The following RBKS variants were observed in gnomAD, a reference collection of about 807,000 sequenced individuals.
RBKS encodes ribokinase.
RBKS carries 33 observed loss-of-function variants against 33.9 expected under a neutral mutation model. That is an observed-to-expected ratio of 0.97 (90% CI 0.74 to 1.30). The LOEUF is 1.30. Ranked by LOEUF, RBKS falls within the 50% of genes most tolerant of loss-of-function variation. RBKS has a pLI of 0.00. For missense variants in RBKS, 361 were observed against 392.6 expected, an observed-to-expected ratio of 0.92 and a Z score of 0.68; for synonymous variants, 125 against 143.0, an observed-to-expected ratio of 0.87 and a Z score of 0.90.
At chr2:27,794,522 A>G (rs1279075950) in intron 7 of RBKS, among the ~76,000 whole-genome samples, 1 of 151,780 alleles carries the variant, frequency 6.6e-6, no homozygotes, top group Non-Finnish European at 1.5e-5. Flanking sequence ...ACACTTGGGA[A>G]TACCCACCTC....
chr2:27,840,555 T>C (rs549622876), intron 5 of RBKS, among the ~76,000 whole-genome samples: 8 of 152,134 alleles, frequency 5.3e-5, no homozygotes, highest in Admixed American at 4.6e-4. Flanking sequence ...GTAAGTTCTA[T>C]TGGGGTTACA....
chr2:27,781,719 C>T lies in RBKS; in HGVS notation c.865G>A (p.Asp289Asn). 2 of 1,614,096 alleles carry T rather than the reference C, an allele frequency of 1.2e-6. No homozygotes were observed. The highest frequency in any genetic ancestry group is 1.7e-6 in the Non-Finnish European group (2 of 1,180,002). ...ATGAAATTGGATCTGTTGAGCATGT[C>T]TTCCAAGGACAGATTTGGATAGTAA... ...LAYYPNLSLE[D>N]MLNRSNFIAA... Residue 289 changes from aspartate to asparagine, a missense_variant, in exon 8 of 8, where the codon GAC becomes AAC. By Grantham distance (23) the Asp-to-Asn change is conservative (BLOSUM62 1). Transcript: ENST00000302188.
At chr2:27,857,017 C>T (rs1226850822) in intron 2 of RBKS, among the ~76,000 whole-genome samples, 1 of 152,138 alleles carries the variant, frequency 6.6e-6, no homozygotes, top group Admixed American at 6.5e-5. Context: ...TGATGCTTCA[C>T]GTGATGTTTT....
intron 6 of RBKS, among the ~76,000 whole-genome samples, chr2:27,829,730 A>T (rs913406767): frequency 6.6e-6 from 1 of 152,164 alleles, no homozygotes; most frequent in Non-Finnish European, 1.5e-5. Context: ...ACCAGGTATT[A>T]TATTGGCAAT....
intron 7 of RBKS, among the ~76,000 whole-genome samples, chr2:27,801,531 C>T (rs72810512): frequency 0.053 from 7,894 of 149,328 alleles, 271 homozygotes; most frequent in Non-Finnish European, 0.077. Context: ...TATGATGGTT[C>T]GACTTATAAT....
Position 27,837,822 on chromosome 2 carries a change from C to T in RBKS, c.515-5045G>A, listed in dbSNP as rs369689662. Among the ~76,000 whole-genome samples, 21 of 152,252 alleles carry T rather than the reference C, an allele frequency of 1.4e-4. No individual in the cohort carries two copies. The East Asian group carries it at 3.7e-3, about 27-fold the overall frequency. On this transcript the variant is annotated intron_variant, in intron 5 of 7. Transcript: ENST00000302188. The surrounding 1 kb of genome is among the most constrained non-coding windows in gnomAD (Gnocchi z 4.0). ...TGGGAACAACAGACACTACAGAGTA[C>T]TGGAGCAGGGAGGGGCACAGGTTGA...
At chr2:27,847,388 T>G (rs1385409221) in intron 3 of RBKS, among the ~76,000 whole-genome samples, 2 of 152,236 alleles carry the variant, frequency 1.3e-5, no homozygotes, top group African/African-American at 2.4e-5. Flanking sequence ...TGTATACATA[T>G]GCATTTTTCT....
intron 1 of RBKS, among the ~76,000 whole-genome samples, chr2:27,886,851 T>C (rs892901127): frequency 5.3e-5 from 8 of 152,324 alleles, no homozygotes; most frequent in African/African-American, 9.6e-5. Context: ...GAGTAAGTCA[T>C]TGAAGCTCTC....
intron 1 of RBKS, among the ~76,000 whole-genome samples, chr2:27,871,740 C>T (rs180681150): frequency 7.2e-5 from 11 of 152,322 alleles, no homozygotes; most frequent in Admixed American, 3.3e-4. Flanking sequence ...TCACTTGCCA[C>T]TATAAAGTTA....
intron 1 of RBKS, among the ~76,000 whole-genome samples, chr2:27,885,898 T>TA (rs1664519448): frequency 1.3e-5 from 2 of 152,176 alleles, no homozygotes; most frequent in Non-Finnish European, 2.9e-5. Flanking sequence ...ATACAGGTCA[T>TA]AAAAAATAAG....
At chr2:27,807,553 A>T (rs979935673) in intron 7 of RBKS, among the ~76,000 whole-genome samples, 46 of 151,958 alleles carry the variant, frequency 3.0e-4, no homozygotes, top group African/African-American at 9.7e-4. Context: ...GCTATAAAAA[A>T]TTTTTTTGTA....
intron 6 of RBKS, among the ~76,000 whole-genome samples, chr2:27,828,089 T>G (rs1399836646): frequency 6.6e-6 from 1 of 152,240 alleles, no homozygotes; most frequent in African/African-American, 2.4e-5. Flanking sequence ...TGAGGCATCA[T>G]GTTGTCTGCA....
At chr2:27,811,228 C>G (rs1264986304) in intron 7 of RBKS, among the ~76,000 whole-genome samples, 1 of 152,220 alleles carries the variant, frequency 6.6e-6, no homozygotes. Flanking sequence ...GCCCCCTCCA[C>G]TGCATCACCA....
intron 7 of RBKS, among the ~76,000 whole-genome samples, chr2:27,815,808 C>T (rs555700268): frequency 1.3e-5 from 2 of 152,296 alleles, no homozygotes; most frequent in East Asian, 3.9e-4. Context: ...TCTCACTGGG[C>T]AGAGGGACTA....
intron 7 of RBKS, among the ~76,000 whole-genome samples, chr2:27,827,183 G>A (rs1203910754): frequency 1.3e-5 from 2 of 152,156 alleles, no homozygotes; most frequent in Non-Finnish European, 2.9e-5. Context: ...AGCCCGACAA[G>A]GGCAGAGACT....
rs575696051 is a variant in RBKS at position 27,878,138 on chromosome 2, G to A, written c.89+12119C>T. 3.4e-3 allele frequency among the ~76,000 whole-genome samples: 516 copies of A among 151,436 alleles called. 3 individuals carry two copies. The highest frequency in any genetic ancestry group is 5.9e-3 in the Non-Finnish European group (400 of 67,842). On this transcript the variant is annotated intron_variant, in intron 1 of 7. Transcript: ENST00000302188. ...GCTGGTGTGCTGCACCCATTAACTCGTCATTTAGCATTAGGTATATCTCCT... is the reference window on the plus strand; with the variant it reads ...GCTGGTGTGCTGCACCCATTAACTCATCATTTAGCATTAGGTATATCTCCT...
At chr2:27,784,325 A>G (rs1677357744) in intron 7 of RBKS, among the ~76,000 whole-genome samples, 1 of 152,116 alleles carries the variant, frequency 6.6e-6, no homozygotes, top group Non-Finnish European at 1.5e-5. Context: ...GTTGTTCCTT[A>G]GACCTAAGGG....
chr2:27,828,867 T>C (rs1413910979), intron 6 of RBKS, among the ~76,000 whole-genome samples: 1 of 152,244 alleles, frequency 6.6e-6, no homozygotes, highest in Non-Finnish European at 1.5e-5. Flanking sequence ...ATGTTAATCT[T>C]AATTATACTA....
chr2:27,826,446 A>G (rs1030995052), intron 7 of RBKS, among the ~76,000 whole-genome samples: 6 of 143,594 alleles, frequency 4.2e-5, no homozygotes, highest in Middle Eastern at 3.7e-3. Context: ...CTCTCGCTCT[A>G]TTGCCAGGCT....
Sources: allele counts gnomAD v4.1 joint callset (sites outside exome capture counted in the v4.1 genomes callset), GRCh38; gene constraint gnomAD v4.1.1; non-coding constraint Gnocchi (gnomAD v3.1); transcripts MANE v1.5; gene names NCBI Gene and HGNC (gene_info 2026-07-23, HGNC 2026-07-21).